Variants in GNB5 observed in about 807,000 individuals in gnomAD.
The protein encoded by GNB5 is guanine nucleotide-binding protein subunit beta-5.
Under a neutral mutation model 55.3 loss-of-function variants are expected in GNB5, and 37 were observed. The observed-to-expected ratio is 0.67, with a 90% CI of 0.51 to 0.88. The LOEUF is 0.88. GNB5 is among the 40% of genes least tolerant of loss of function. The pLI is 0.00. For synonymous variants in GNB5, 219 were observed against 198.5 expected, an observed-to-expected ratio of 1.10 and a Z score of -0.87; for missense variants, 476 against 515.3, an observed-to-expected ratio of 0.92 and a Z score of 0.74.
intron 3 of GNB5, among the ~76,000 whole-genome samples, chr15:52,154,709 T>C (rs1479007648): frequency 6.6e-6 from 1 of 152,160 alleles, no homozygotes; most frequent in Non-Finnish European, 1.5e-5. Flanking sequence ...CTCATACACA[T>C]GGCGCAGGAA....
At chr15:52,133,263 G>A (rs115476944) in intron 9 of GNB5, 115 bp downstream of exon 9, 3 of 663,908 alleles carry the variant, frequency 4.5e-6, no homozygotes, top group South Asian at 1.8e-5. Flanking sequence ...TCTTCCCGGG[G>A]AGGCCTCTCT....
chr15:52,125,653 G>T, intron 11 of GNB5: 1 of 239,600 alleles, frequency 4.2e-6, no homozygotes, highest in Non-Finnish European at 8.0e-6. Context: ...GCAAAGGCTG[G>T]GGAGAAAATG....
chr15:52,178,537 G>A (rs1233759337), intron 3 of GNB5, among the ~76,000 whole-genome samples: 1 of 152,182 alleles, frequency 6.6e-6, no homozygotes, highest in Non-Finnish European at 1.5e-5. Context: ...TCCCTTGGTG[G>A]GGGGTGCATG....
rs2033143621 is a variant in GNB5, at chr15:52,116,512, A to T, written c.*6245T>A. 1 of 152,220 alleles carries T rather than the reference A, an allele frequency of 6.6e-6. No homozygotes were observed. The highest frequency in any genetic ancestry group is 1.5e-5 in the Non-Finnish European group (1 of 68,052). 9.4% of individuals were successfully genotyped at this position (152,220 alleles called of 1,614,324 possible). A position where few individuals can be genotyped will look rare whatever the true frequency, so the allele number is the denominator to read the frequency against. Reference sequence around the variant, plus strand: ...ATGGGGTACAGTGTGTTATTTTGATACATGTATACAATGTGTAATGATCAG... The same window carrying T: ...ATGGGGTACAGTGTGTTATTTTGATTCATGTATACAATGTGTAATGATCAG... On this transcript the variant is annotated 3_prime_UTR_variant, in exon 13 of 13. Coordinates refer to ENST00000261837, the MANE Select transcript of GNB5 (RefSeq NM_016194.4).
chr15:52,137,592 A>G, intron 7 of GNB5: 1 of 1,103,026 alleles, frequency 9.1e-7, no homozygotes, highest in Admixed American at 4.4e-5. Flanking sequence ...TCAGCCATAG[A>G]GTAAAGGCAC....
intron 11 of GNB5, chr15:52,124,910 G>C: frequency 3.5e-6 from 1 of 287,714 alleles, no homozygotes; most frequent in South Asian, 1.0e-4. Context: ...GGACCAGAGA[G>C]GAAGGGGGAT....
chr15:52,185,982 T>C (rs2034841056), intron 1 of GNB5, among the ~76,000 whole-genome samples: 1 of 152,138 alleles, frequency 6.6e-6, no homozygotes, highest in Non-Finnish European at 1.5e-5. Context: ...TTTCACCATG[T>C]TGGCCAGGCT....
intron 9 of GNB5, among the ~76,000 whole-genome samples, chr15:52,130,084 G>C (rs545358976): frequency 1.3e-5 from 2 of 152,308 alleles, no homozygotes; most frequent in South Asian, 2.1e-4. Flanking sequence ...GTAGGCCAGT[G>C]GGGGCAGGAG....
intron 9 of GNB5, among the ~76,000 whole-genome samples, chr15:52,130,929 G>C (rs903792573): frequency 6.6e-6 from 1 of 152,208 alleles, no homozygotes; most frequent in African/African-American, 2.4e-5. Flanking sequence ...GGGTTCAAGC[G>C]ATTCTTGTGC....
chr15:52,126,080 G>T, intron 10 of GNB5, 36 bp from the exon 11 acceptor site: 1 of 1,050,468 alleles, frequency 9.5e-7, no homozygotes, highest in Non-Finnish European at 1.5e-6. Flanking sequence ...ACTTACTTCT[G>T]GCTTCAGTTT....
intron 7 of GNB5, among the ~76,000 whole-genome samples, chr15:52,136,568 G>T (rs2033729306): frequency 6.6e-6 from 1 of 152,194 alleles, no homozygotes; most frequent in African/African-American, 2.4e-5. Flanking sequence ...AGCAGCAGGG[G>T]TCTAGGCAGC....
intron 3 of GNB5, among the ~76,000 whole-genome samples, chr15:52,163,575 A>T (rs1484588690): frequency 6.6e-6 from 1 of 152,178 alleles, no homozygotes. Flanking sequence ...GGGTGGTCCA[A>T]ACTGGGAGGA....
rs565567158 is a variant in GNB5 at position 52,173,752 on chromosome 15, C to T, written c.238+6016G>A. ...TTCAACATTAGAGTAGCTACAAAAT[C>T]TTAGGGAAATCCCTTCACCCCTCCC... On this transcript the variant is annotated intron_variant, in intron 3 of 12. Coordinates refer to ENST00000261837, the MANE Select transcript of GNB5 (RefSeq NM_016194.4). Among the ~76,000 whole-genome samples the T allele has an allele frequency of 5.9e-5, 9 of 152,254 alleles. No homozygotes were observed. In the South Asian group the frequency reaches 1.7e-3, roughly 28 times the overall value.
At chr15:52,132,893 C>A (rs1596060083) in intron 9 of GNB5, among the ~76,000 whole-genome samples, 1 of 152,048 alleles carries the variant, frequency 6.6e-6, no homozygotes, top group Non-Finnish European at 1.5e-5. Flanking sequence ...CTTTCATGAT[C>A]CTGGCCTCAA....
chr15:52,155,627 G>A (rs2034192419), intron 3 of GNB5, among the ~76,000 whole-genome samples: 1 of 152,092 alleles, frequency 6.6e-6, no homozygotes, highest in African/African-American at 2.4e-5. Context: ...TGCATGTTTA[G>A]CCTCCAGTTA....
intron 3 of GNB5, among the ~76,000 whole-genome samples, chr15:52,155,122 C>T (rs1045335421): frequency 9.2e-5 from 14 of 152,210 alleles, no homozygotes; most frequent in Admixed American, 2.6e-4. Context: ...GAAGGAGAAG[C>T]CAGGGCTCTG....
chr15:52,167,952 A>G (rs2034482259), intron 3 of GNB5, among the ~76,000 whole-genome samples: 1 of 152,200 alleles, frequency 6.6e-6, no homozygotes, highest in Non-Finnish European at 1.5e-5. Context: ...AAAATTCAAC[A>G]TCCCTTCATG....
intron 4 of GNB5, among the ~76,000 whole-genome samples, chr15:52,153,346 C>G (rs1413029953): frequency 6.6e-6 from 1 of 152,200 alleles, no homozygotes; most frequent in East Asian, 1.9e-4. Context: ...CAGCCCCGAC[C>G]AACATCTTCA....
chr15:52,166,069 C>A (rs1365967233), intron 3 of GNB5, among the ~76,000 whole-genome samples: 1 of 152,068 alleles, frequency 6.6e-6, no homozygotes, highest in Admixed American at 6.6e-5. Context: ...AGACTTTAAA[C>A]CAACAAAGAT....
Sources: allele counts gnomAD v4.1 joint callset (sites outside exome capture counted in the v4.1 genomes callset), GRCh38; gene constraint gnomAD v4.1.1; transcripts MANE v1.5; gene names NCBI Gene and HGNC (gene_info 2026-07-23, HGNC 2026-07-21).